Variants in LOC112694756 observed in about 807,000 individuals in gnomAD.
At chr16:30,067,544 C>T in the LOC112694756 span, 52 of 1,613,938 alleles carry the variant, frequency 3.2e-5, 1 homozygote, top group Middle Eastern at 3.3e-4. Context: ...CTGACGACCG[C>T]GTGAACCCCT....
At chr16:30,066,812 C>G in the LOC112694756 span, 1 of 1,468,416 alleles carries the variant, frequency 6.8e-7, no homozygotes, top group Non-Finnish European at 9.2e-7. Context: ...CCCTTTCCCA[C>G]GAGGGTGTTG....
At chr16:30,062,197 C>T in the LOC112694756 span, among the ~76,000 whole-genome samples, 4 of 150,478 alleles carry the variant, frequency 2.7e-5, no homozygotes, top group East Asian at 2.0e-4. Context: ...AGCAAGACTC[C>T]GTTTGAAAAA....
At chr16:30,066,338 C>G in the LOC112694756 span, 3 of 152,654 alleles carry the variant, frequency 2.0e-5, no homozygotes, top group African/African-American at 4.8e-5. Context: ...AGGAGGGAAA[C>G]CCCTCCGCGG....
chr16:30,069,271 G>A, the LOC112694756 span: 6 of 1,609,440 alleles, frequency 3.7e-6, no homozygotes, highest in Non-Finnish European at 5.1e-6. Flanking sequence ...TCTGGGTTAG[G>A]AGGCCTCACA....
At chr16:30,061,972 G>T in the LOC112694756 span, among the ~76,000 whole-genome samples, 1 of 151,946 alleles carries the variant, frequency 6.6e-6, no homozygotes, top group African/African-American at 2.4e-5. Flanking sequence ...GGAGGCCGAG[G>T]TGGGCGGATC....
chr16:30,062,842 GAAA>G, the LOC112694756 span, among the ~76,000 whole-genome samples: 2 of 117,674 alleles, frequency 1.7e-5, 1 homozygote. Context: ...CTCCATCTCG[GAAA>G]AAAAAAAAAA....
the LOC112694756 span, chr16:30,070,344 G>T: frequency 3.7e-6 from 3 of 802,358 alleles, no homozygotes; most frequent in Middle Eastern, 4.6e-4. Context: ...GTGGTGTGTG[G>T]TGTCGTCTGT....
chr16:30,068,193 T>C, the LOC112694756 span: 1 of 302,554 alleles, frequency 3.3e-6, no homozygotes, highest in Non-Finnish European at 6.4e-6. Context: ...GCCTCCCGAG[T>C]AGCTGGGACT....
the LOC112694756 span, among the ~76,000 whole-genome samples, chr16:30,055,687 C>CT: frequency 2.3e-4 from 35 of 152,250 alleles, no homozygotes; most frequent in African/African-American, 7.9e-4. Flanking sequence ...TATAGGGCCT[C>CT]TTTACGGACC....
chr16:30,065,218 C>G, the LOC112694756 span, among the ~76,000 whole-genome samples: 2 of 152,234 alleles, frequency 1.3e-5, no homozygotes, highest in African/African-American at 4.8e-5. Context: ...CCCTTTCCTC[C>G]GCCTCCCTTA....
At chr16:30,069,231 C>T in the LOC112694756 span, 2 of 1,520,632 alleles carry the variant, frequency 1.3e-6, no homozygotes, top group Non-Finnish European at 1.8e-6. Flanking sequence ...ACGGTCTTGA[C>T]CAGTGGCTGT....
At chr16:30,069,763 C>G in the LOC112694756 span, 2 of 1,612,026 alleles carry the variant, frequency 1.2e-6, no homozygotes, top group South Asian at 1.1e-5. Context: ...ATGGCAACTT[C>G]CACCAGCTCC....
At chr16:30,068,720 C>T in the LOC112694756 span, 2 of 1,614,248 alleles carry the variant, frequency 1.2e-6, no homozygotes, top group Admixed American at 1.7e-5. Flanking sequence ...GTTTGATTCT[C>T]TGCCCTACGA....
the LOC112694756 span, chr16:30,069,736 C>T: frequency 3.7e-6 from 6 of 1,611,460 alleles, no homozygotes; most frequent in Non-Finnish European, 5.1e-6. Flanking sequence ...ACCCTATGCC[C>T]ATTTGGACGG....
chr16:30,068,062 A>ATTTTT, the LOC112694756 span: 4 of 176,882 alleles, frequency 2.3e-5, no homozygotes, highest in Non-Finnish European at 3.4e-5. Context: ...TTTTAAGTAA[A>ATTTTT]TTTTTTTTTT....
the LOC112694756 span, among the ~76,000 whole-genome samples, chr16:30,065,355 G>A: frequency 6.6e-6 from 1 of 152,224 alleles, no homozygotes; most frequent in Non-Finnish European, 1.5e-5. Flanking sequence ...CCGGAAGCTG[G>A]GGCGGCCCCG....
the LOC112694756 span, among the ~76,000 whole-genome samples, chr16:30,059,810 GC>G: frequency 1.6e-4 from 24 of 150,986 alleles, no homozygotes; most frequent in African/African-American, 5.8e-4. Flanking sequence ...TGATCCACCT[GC>G]CTTGGCCTCC....
the LOC112694756 span, chr16:30,069,484 C>T: frequency 1.9e-6 from 3 of 1,614,100 alleles, 1 homozygote; most frequent in Non-Finnish European, 2.5e-6. Context: ...CCACCGTGCG[C>T]CTGCTCTGCT....
At chr16:30,058,769 A>T in the LOC112694756 span, among the ~76,000 whole-genome samples, 4 of 152,130 alleles carry the variant, frequency 2.6e-5, no homozygotes, top group East Asian at 7.7e-4. Flanking sequence ...GGCGTGAGCC[A>T]CCACGCCTGG....
Sources: allele counts gnomAD v4.1 joint callset (sites outside exome capture counted in the v4.1 genomes callset), GRCh38; gene constraint gnomAD v4.1.1; transcripts MANE v1.5.